Variants in STT3A observed in about 807,000 individuals in gnomAD.
The protein encoded by STT3A is dolichyl-diphosphooligosaccharide--protein glycosyltransferase subunit STT3A.
A neutral mutation model predicts 89.2 loss-of-function variants in STT3A; 34 were observed. The ratio of observed to expected loss-of-function variants is 0.38; its 90% CI spans 0.29 to 0.51. The LOEUF (loss-of-function observed/expected upper bound fraction) is 0.51. Among genes scored for constraint, STT3A ranks in the 20% least tolerant of loss-of-function variants. The pLI is 0.89. For synonymous variants in STT3A, 282 were observed against 310.3 expected (o/e 0.91, Z 0.96); for missense variants, 555 against 889.5 (o/e 0.62, Z 4.78).
At chr11:125,598,142 G>A (rs1442188046) in intron 3 of STT3A, among the ~76,000 whole-genome samples, 1 of 152,074 alleles carries the variant, frequency 6.6e-6, no homozygotes, top group Admixed American at 6.5e-5. Flanking sequence ...AACGCAGGAG[G>A]TGGAGGTTGC....
chr11:125,605,162 T>A (rs1939796381), intron 6 of STT3A, among the ~76,000 whole-genome samples: 1 of 150,920 alleles, frequency 6.6e-6, no homozygotes, highest in Non-Finnish European at 1.5e-5. Flanking sequence ...GACTGGAGAA[T>A]CAAGGAAGGC....
At position 125,613,189 on chromosome 11, in the gene STT3A, G is replaced by A. The variant is rs748587498; in HGVS notation, c.1554+12G>A. On this transcript the variant is annotated intron_variant, in intron 13 of 17. Transcript: ENST00000392708. The surrounding 1 kb of genome is among the most constrained non-coding windows in gnomAD (Gnocchi z 4.2). ...ATAATACTCCAGAGGTGAAGATTTG[G>A]GAGGGGTGGGAATTGTGGGTTAGGG... is the stretch of plus-strand genomic sequence containing the variant. 1.9e-6 allele frequency: 3 copies of A among 1,612,384 alleles called. No homozygotes were observed. In the African/African-American group the frequency reaches 4.0e-5, roughly 22 times the overall value.
At chr11:125,601,023 G>A (rs771304082) in intron 3 of STT3A, among the ~76,000 whole-genome samples, 3 of 152,202 alleles carry the variant, frequency 2.0e-5, no homozygotes, top group Non-Finnish European at 4.4e-5. Context: ...CTGGGCTTAA[G>A]CGATCCTCTT....
At chr11:125,612,326 A>G (rs1215276792) in intron 11 of STT3A, among the ~76,000 whole-genome samples, 1 of 152,234 alleles carries the variant, frequency 6.6e-6, no homozygotes, top group Non-Finnish European at 1.5e-5. Flanking sequence ...AGTGTTTCTC[A>G]TATTTTTTTG....
chr11:125,604,849 C>T (rs899820438), intron 6 of STT3A, among the ~76,000 whole-genome samples: 2 of 152,192 alleles, frequency 1.3e-5, no homozygotes, highest in African/African-American at 2.4e-5. Flanking sequence ...TGGTGGCTCA[C>T]GCCCTGTTAT....
Position 125,597,082 on chromosome 11 carries a change from G to C in STT3A, c.112G>C (p.Val38Leu). 6.2e-7 allele frequency: 1 copy of C among 1,614,018 alleles called. No homozygotes were observed. Among genetic ancestry groups the C allele is most frequent in the Non-Finnish European group, 8.5e-7 (1 of 1,180,028 alleles). Residue 38 changes from valine (V) to leucine (L), a missense_variant, in exon 3 of 18, where the codon GTC (valine) becomes CTC (leucine). Physicochemically the swap from Val to Leu is conservative, Grantham distance 32. Transcript: ENST00000392708. ...AGCCTTCTCCACTCGTCTGTTTGCT[G>C]TCCTGAGATTTGAAAGTGTTATCCA... Reference protein sequence around the residue: ...VLSFSTRLFAVLRFESVIHEF... With the variant: ...VLSFSTRLFALLRFESVIHEF...
chr11:125,610,736 A>G (rs1482897523), intron 10 of STT3A: 1 of 151,974 alleles, frequency 6.6e-6, no homozygotes, highest in Non-Finnish European at 1.5e-5. Context: ...CCATACCCAC[A>G]CACACCCATA....
At position 125,604,437 on chromosome 11, in the gene STT3A, T is replaced by C. The variant is rs3758823; in HGVS notation, c.508+190T>C. ...CCTTTCCAGAAAGGTAGTTGGTAACTTTTCTTACAAGTCTTTGGTTCATCT... is the reference window on the plus strand; with the variant it reads ...CCTTTCCAGAAAGGTAGTTGGTAACCTTTCTTACAAGTCTTTGGTTCATCT... On this transcript the variant is annotated intron_variant, in intron 6 of 17. Transcript: ENST00000392708. 0.29 allele frequency among the ~76,000 whole-genome samples: 43,351 copies of C among 152,096 alleles called. 6,368 individuals carry two copies. The highest frequency in any genetic ancestry group is 0.41 in the East Asian group (2,101 of 5,164).
intron 1 of STT3A, chr11:125,595,068 G>C (rs1207758137): frequency 6.6e-6 from 1 of 151,602 alleles, no homozygotes; most frequent in Non-Finnish European, 1.5e-5. Flanking sequence ...AAAGAAAAAA[G>C]TTTATAGCCA....
At chr11:125,597,989 A>G (rs10082633) in intron 3 of STT3A, among the ~76,000 whole-genome samples, 16,223 of 152,186 alleles carry the variant, frequency 0.11, 1,228 homozygotes, top group African/African-American at 0.22. Flanking sequence ...CAAGGCGGGC[A>G]GATCACAAGG....
Position 125,620,917 on chromosome 11 carries a change from T to C in STT3A, c.*107T>C. The C allele has an allele frequency of 3.2e-6, 3 of 927,052 alleles. No individual in the cohort carries two copies. Among genetic ancestry groups the C allele is most frequent in the Non-Finnish European group, 4.8e-6 (3 of 626,902 alleles). The allele number at this position is 927,052 out of a possible 1,614,324, so 57.4% of individuals were successfully genotyped here. On this transcript the variant is annotated 3_prime_UTR_variant, in exon 18 of 18. Transcript: ENST00000392708. ...AATATGCAGTTTGTAAGAACAAAAC[T>C]GGATGGCATCAGAATTGTCTGGAAG...
chr11:125,604,871 A>G (rs579661), intron 6 of STT3A, among the ~76,000 whole-genome samples: 136,618 of 152,232 alleles, frequency 0.9, 61,369 homozygotes, highest in South Asian at 0.95. Flanking sequence ...CAGTACTTTC[A>G]GAGGCTGAGG....
intron 3 of STT3A, among the ~76,000 whole-genome samples, chr11:125,601,762 T>G (rs984591876): frequency 1.3e-5 from 2 of 152,176 alleles, no homozygotes; most frequent in Non-Finnish European, 2.9e-5. Flanking sequence ...TTTGATTGCT[T>G]TGTTACAATG....
At chr11:125,604,276 C>A in intron 6 of STT3A, 29 bp downstream of exon 6, 1 of 1,603,904 alleles carries the variant, frequency 6.2e-7, no homozygotes, top group South Asian at 1.1e-5. Flanking sequence ...TGAAGAAGAT[C>A]ATCTCACCTC....
At chr11:125,610,548 C>T (rs942469107) in intron 10 of STT3A, among the ~76,000 whole-genome samples, 4 of 125,818 alleles carry the variant, frequency 3.2e-5, no homozygotes, top group Admixed American at 1.5e-4. Flanking sequence ...GTGGGACCCA[C>T]GTCTTAAAAA....
In STT3A at chr11:125,612,600, A is replaced by C. The variant is rs751390944; in HGVS notation, c.1218A>C (p.Leu406=). 7 of 1,613,982 alleles carry C rather than the reference A, an allele frequency of 4.3e-6. No individual in the cohort carries two copies. In the South Asian group the frequency reaches 6.6e-5, roughly 15 times the overall value. ...SMYFSAVMVR[L]MLVLAPVMCI... Reference sequence around the variant, plus strand: ...CTTCCTGTCTCTGTTAGGTGCGTCTAATGCTAGTGTTGGCACCTGTTATGT... The same window carrying C: ...CTTCCTGTCTCTGTTAGGTGCGTCTCATGCTAGTGTTGGCACCTGTTATGT... The change falls in exon 12 of 18, where the codon CTA becomes CTC. Residue 406 remains leucine, a synonymous_variant. Coordinates refer to ENST00000392708, the MANE Select transcript of STT3A (RefSeq NM_152713.5).
intron 10 of STT3A, chr11:125,611,185 T>C (rs1470156698): frequency 9.0e-6 from 3 of 331,794 alleles, no homozygotes; most frequent in Admixed American, 4.5e-5. Context: ...ATTTTATAAA[T>C]ATAGTATAAT....
At chr11:125,598,848 T>TC (rs1216723762) in intron 3 of STT3A, among the ~76,000 whole-genome samples, 1 of 152,136 alleles carries the variant, frequency 6.6e-6, no homozygotes, top group Non-Finnish European at 1.5e-5. Flanking sequence ...GCTCAAGCAA[T>TC]CCTCCCTCCT....
chr11:125,612,293 G>C (rs1013267646), intron 11 of STT3A, among the ~76,000 whole-genome samples: 5 of 152,126 alleles, frequency 3.3e-5, no homozygotes, highest in African/African-American at 4.8e-5. Flanking sequence ...AGAGAGGAGA[G>C]ATTTTATATA....
Sources: allele counts gnomAD v4.1 joint callset (sites outside exome capture counted in the v4.1 genomes callset), GRCh38; gene constraint gnomAD v4.1.1; non-coding constraint Gnocchi (gnomAD v3.1); transcripts MANE v1.5; gene names NCBI Gene and HGNC (gene_info 2026-07-23, HGNC 2026-07-21).